Variants in PELP1 observed in about 807,000 individuals in gnomAD.
PELP1 encodes proline, glutamate and leucine rich protein 1.
A neutral mutation model predicts 95.5 loss-of-function variants in PELP1; 32 were observed. The observed-to-expected ratio is 0.34, with a 90% CI of 0.25 to 0.45. The LOEUF (loss-of-function observed/expected upper bound fraction) is 0.45. Ranked by LOEUF, PELP1 falls within the 20% of genes least tolerant of loss-of-function variation. The pLI is 1.00. For missense variants in PELP1, 1,358 were observed against 1,444.8 expected, an observed-to-expected ratio of 0.94 and a Z score of 0.97; for synonymous variants, 668 against 600.1, an observed-to-expected ratio of 1.11 and a Z score of -1.65.
chr17:4,678,400 A>G (rs1912572498), intron 5 of PELP1, among the ~76,000 whole-genome samples: 1 of 152,068 alleles, frequency 6.6e-6, no homozygotes, highest in African/African-American at 2.4e-5. Context: ...ACTTGAGCCC[A>G]GGAGTTCAAG....
intron 1 of PELP1, among the ~76,000 whole-genome samples, chr17:4,701,954 T>C (rs1913556314): frequency 6.6e-6 from 1 of 152,178 alleles, no homozygotes; most frequent in Non-Finnish European, 1.5e-5. Context: ...ACATCACTCT[T>C]AGCTTCTTTA....
rs1912409849 is a variant in PELP1 at position 4,675,200 on chromosome 17, G to A, written c.1158-5C>T. 2 of 1,612,862 alleles carry A rather than the reference G, an allele frequency of 1.2e-6. No individual in the cohort carries two copies. The highest frequency in any genetic ancestry group is 1.7e-6 in the Non-Finnish European group (2 of 1,179,440). Reference sequence around the variant, plus strand: ...CGCAAGAGCCGGCTTCCACACCTGGGGCAGAGAAGGAATGGTGACCCTCGT... The same window carrying A: ...CGCAAGAGCCGGCTTCCACACCTGGAGCAGAGAAGGAATGGTGACCCTCGT... On this transcript the variant is annotated splice_polypyrimidine_tract_variant and splice_region_variant and intron_variant, in intron 10 of 16. Coordinates refer to ENST00000572293, the MANE Select transcript of PELP1 (RefSeq NM_014389.3). This position sits in a 1 kb window ranked among gnomAD's most constrained non-coding sequence, Gnocchi z 4.3.
At chr17:4,674,126 TG>T (rs1191473846) in intron 13 of PELP1, among the ~76,000 whole-genome samples, 1 of 152,190 alleles carries the variant, frequency 6.6e-6, no homozygotes, top group Admixed American at 6.5e-5. Context: ...CCCCGCATGC[TG>T]GAACTCTGCC....
rs1364875816 is a variant in PELP1, at chr17:4,675,912, T to A, written c.981-28A>T. ...AAAGAGAATCAGAGCAGGGAGACCT[T>A]CAGAGCAGGCTCCCTGGCATAACTC... On this transcript the variant is annotated intron_variant, in intron 8 of 16. Transcript: ENST00000572293. The surrounding 1 kb of genome is among the most constrained non-coding windows in gnomAD (Gnocchi z 4.3). The A allele has an allele frequency of 6.3e-7, 1 of 1,578,002 alleles. No individual in the cohort carries two copies. The highest frequency in any genetic ancestry group is 1.8e-5 in the Admixed American group (1 of 55,242).
At chr17:4,696,510 G>A (rs958665450) in intron 1 of PELP1, 6 of 152,172 alleles carry the variant, frequency 3.9e-5, no homozygotes, top group African/African-American at 7.2e-5. Flanking sequence ...GGTGATTACC[G>A]ACTTTCACCC....
intron 3 of PELP1, 96 bp downstream of exon 3, chr17:4,690,792 A>G (rs1913070836): frequency 1.3e-6 from 1 of 777,932 alleles, no homozygotes. Flanking sequence ...TTCTGTCCCC[A>G]GAACTACATG....
At chr17:4,690,582 C>T (rs934055981) in intron 3 of PELP1, among the ~76,000 whole-genome samples, 9 of 151,862 alleles carry the variant, frequency 5.9e-5, no homozygotes, top group Non-Finnish European at 1.0e-4. Context: ...ATTAGCCAGG[C>T]GTGGTGGCAG....
chr17:4,672,556 G>T lies in PELP1; in HGVS notation c.2435C>A (p.Ala812Asp). The change falls in exon 16 of 17, where the codon GCC becomes GAC. Residue 812 changes from alanine (A) to aspartate (D), a missense_variant. Ala to Asp is a moderately radical substitution (Grantham distance 126, BLOSUM62 -2). Coordinates refer to ENST00000572293, the MANE Select transcript of PELP1 (RefSeq NM_014389.3). ...GGAGGCTGTTGGTGGCCCAGTGGGG[G>T]CTATAGGGGGTGGTGTGGCACCTGA... ...PPSGATPPPI[A>D]PTGPPTASPP... 1 of 1,279,664 alleles carries T rather than the reference G, an allele frequency of 7.8e-7. No homozygotes were observed. The highest frequency in any genetic ancestry group is 1.0e-6 in the Non-Finnish European group (1 of 970,668). The allele number at this position is 1,279,664 out of a possible 1,614,324, so 79.3% of individuals were successfully genotyped here.
At chr17:4,696,636 C>T (rs1380220225) in intron 1 of PELP1, 1 of 152,050 alleles carries the variant, frequency 6.6e-6, no homozygotes, top group African/African-American at 2.4e-5. Flanking sequence ...TTTGTGTTGT[C>T]TTGTTGAGAA....
intron 3 of PELP1, among the ~76,000 whole-genome samples, chr17:4,690,040 C>CAG (rs775761243): frequency 3.3e-5 from 5 of 150,698 alleles, no homozygotes; most frequent in Admixed American, 6.6e-5. Context: ...GAGACAGAGA[C>CAG]AGAGAGAGAG....
intron 7 of PELP1, 94 bp from the exon 8 acceptor site, chr17:4,676,256 T>C: frequency 6.3e-7 from 1 of 1,582,246 alleles, no homozygotes; most frequent in Admixed American, 1.7e-5. Context: ...TAACCCATTT[T>C]CCCCAAAAAC....
In PELP1 at chr17:4,690,059, TG is replaced by T. The variant is rs1252354073; in HGVS notation, c.420+828del. 4.0e-5 allele frequency among the ~76,000 whole-genome samples: 6 copies of T among 151,570 alleles called. No individual in the cohort carries two copies. In the East Asian group the frequency reaches 1.2e-3, roughly 29 times the overall value. ...CAGAGACAGAGAGAGAGAGAGAAAA[TG>T]TGGTGTATATATACCATGGAATACT... On this transcript the variant is annotated intron_variant, in intron 3 of 16. Transcript: ENST00000572293.
rs939670120 is a variant in PELP1, at chr17:4,682,495, T to C, written c.642+7A>G. 3 of 1,591,672 alleles carry C rather than the reference T, an allele frequency of 1.9e-6. No homozygotes were observed. Among genetic ancestry groups the C allele is most frequent in the African/African-American group, 2.7e-5 (2 of 74,526 alleles). ...ACTGGTGGGGAGAAGAGTGCATAAA[T>C]ACTTACTTTGAGAGAACCACAAGCC... On this transcript the variant is annotated splice_region_variant and intron_variant, in intron 5 of 16. Coordinates refer to ENST00000572293, the MANE Select transcript of PELP1 (RefSeq NM_014389.3).
chr17:4,671,608 TCTC>T, intron 16 of PELP1, 77 bp from the exon 17 acceptor site: 1 of 1,604,394 alleles, frequency 6.2e-7, no homozygotes, highest in South Asian at 1.1e-5. Flanking sequence ...TGGGCAAACC[TCTC>T]CTAAGAGAAG....
rs775559899 is a variant in PELP1, at chr17:4,676,102, G to A, written c.914C>T (p.Ala305Val). 1.2e-5 allele frequency: 20 copies of A among 1,613,898 alleles called. No homozygotes were observed. The highest frequency in any genetic ancestry group is 1.6e-5 in the Non-Finnish European group (19 of 1,179,828). ...EMLLSSEDGDAHVLLQLRQRF... is the reference protein window; with the variant it reads ...EMLLSSEDGDVHVLLQLRQRF... Reference sequence around the variant, plus strand: ...CTGCCGAAGCTGGAGAAGGACATGGGCATCACCATCTTCTGAGGACAGCAG... The same window carrying A: ...CTGCCGAAGCTGGAGAAGGACATGGACATCACCATCTTCTGAGGACAGCAG... Residue 305 changes from alanine (A) to valine (V), a missense_variant, in exon 8 of 17, where the codon GCC (alanine) becomes GTC (valine). By Grantham distance (64) the Ala-to-Val change is moderately conservative (BLOSUM62 0). Around this residue, in one of 7 missense-constraint regions of PELP1, gnomAD observed 538 missense variants for 628.1 expected, o/e 0.86. Transcript: ENST00000572293.
In PELP1 at chr17:4,675,533, G is replaced by A. The variant is rs1188066880; in HGVS notation, c.1069-171C>T. On this transcript the variant is annotated intron_variant, in intron 9 of 16. Coordinates refer to ENST00000572293, the MANE Select transcript of PELP1 (RefSeq NM_014389.3). This position sits in a 1 kb window ranked among gnomAD's most constrained non-coding sequence, Gnocchi z 4.3. ...CTATCCTCTAAAATAGACCCTGGAT[G>A]GAAGGTAAGAAGGATGGCTGGGCCT... 1 of 711,388 alleles carries A rather than the reference G, an allele frequency of 1.4e-6. No individual in the cohort carries two copies. 44.1% of individuals were successfully genotyped at this position (711,388 alleles called of 1,614,324 possible). A position where few individuals can be genotyped will look rare whatever the true frequency, so the allele number is the denominator to read the frequency against.
At chr17:4,684,510 T>G (rs1288821600) in intron 3 of PELP1, among the ~76,000 whole-genome samples, 1 of 152,136 alleles carries the variant, frequency 6.6e-6, no homozygotes, top group Non-Finnish European at 1.5e-5. Context: ...TCCTGCCCTC[T>G]TCCTACCCAA....
rs542293158 is a variant in PELP1, at chr17:4,675,921, G to C, written c.981-37C>G. ...CAGAGCAGGGAGACCTTCAGAGCAG[G>C]CTCCCTGGCATAACTCCCACACCCA... On this transcript the variant is annotated intron_variant, in intron 8 of 16. Transcript: ENST00000572293. The surrounding 1 kb of genome is among the most constrained non-coding windows in gnomAD (Gnocchi z 4.3). 2 of 1,573,866 alleles carry C rather than the reference G, an allele frequency of 1.3e-6. No individual in the cohort carries two copies. Among genetic ancestry groups the C allele is most frequent in the Non-Finnish European group, 8.7e-7 (1 of 1,153,524 alleles).
chr17:4,681,612 C>T lies in PELP1; in HGVS notation c.642+890G>A, dbSNP rs756989861. ...GTCAAGAGATCGAGACCATCCTGGC[C>T]AACATGATGAAACCCCATCTCTACT... is the stretch of plus-strand genomic sequence containing the variant. On this transcript the variant is annotated intron_variant, in intron 5 of 16. Coordinates refer to ENST00000572293, the MANE Select transcript of PELP1 (RefSeq NM_014389.3). Among the ~76,000 whole-genome samples, 8 of 151,760 alleles carry T rather than the reference C, an allele frequency of 5.3e-5. No homozygotes were observed. The East Asian group carries it at 7.7e-4, about 15-fold the overall frequency.
Sources: allele counts gnomAD v4.1 joint callset (sites outside exome capture counted in the v4.1 genomes callset), GRCh38; gene constraint gnomAD v4.1.1; regional missense constraint gnomAD v4.1.1; non-coding constraint Gnocchi (gnomAD v3.1); transcripts MANE v1.5; gene names NCBI Gene and HGNC (gene_info 2026-07-23, HGNC 2026-07-21).